Variants in ZNF638 observed in about 807,000 individuals in gnomAD.
ZNF638 encodes CTCL tumor antigen se33-1.
In ZNF638, 46 loss-of-function variants were observed where a neutral mutation model predicts 195.6. The observed-to-expected ratio is 0.24, with a 90% CI of 0.19 to 0.30. The LOEUF is 0.30. Among genes scored for constraint, ZNF638 ranks in the 10% least tolerant of loss-of-function variants. The pLI is 1.00. For synonymous variants in ZNF638, 845 were observed against 772.0 expected, an observed-to-expected ratio of 1.09 and a Z score of -1.57; for missense variants, 2,440 against 2,325.3, an observed-to-expected ratio of 1.05 and a Z score of -1.01.
At chr2:71,394,317 C>G (rs1175042495) in intron 10 of ZNF638, among the ~76,000 whole-genome samples, 1 of 152,168 alleles carries the variant, frequency 6.6e-6, no homozygotes, top group African/African-American at 2.4e-5. Flanking sequence ...TTAATGGCAT[C>G]TGGGACATCT....
At chr2:71,433,347 T>C in intron 27 of ZNF638, 64 bp downstream of exon 27, 2 of 1,194,180 alleles carry the variant, frequency 1.7e-6, no homozygotes, top group Non-Finnish European at 2.5e-6. Flanking sequence ...AAATTATTTA[T>C]CTCCCCAAAC....
intron 10 of ZNF638, among the ~76,000 whole-genome samples, chr2:71,387,168 C>T (rs950252301): frequency 2.0e-5 from 3 of 151,850 alleles, no homozygotes; most frequent in African/African-American, 7.3e-5. Context: ...ACAGACTATC[C>T]ACAATAAATA....
chr2:71,392,403 G>T (rs2079800056), intron 10 of ZNF638, among the ~76,000 whole-genome samples: 1 of 152,154 alleles, frequency 6.6e-6, no homozygotes, highest in East Asian at 1.9e-4. Context: ...TGAGGTTGGA[G>T]CCCTAGTACT....
Position 71,369,991 on chromosome 2 carries a change from A to G in ZNF638, c.2251A>G (p.Lys751Glu), listed in dbSNP as rs927666956. ...AAGTGTGAAAATATGTGTTCCAGGAAAGAAAAAAGCACAGGTAATCTGGAT... is the reference window on the plus strand; with the variant it reads ...AAGTGTGAAAATATGTGTTCCAGGAGAGAAAAAAGCACAGGTAATCTGGAT... Reference protein sequence around the residue: ...GKSVKICVPGKKKAQNKEVKK... With the variant: ...GKSVKICVPGEKKAQNKEVKK... The change falls in exon 8 of 28, where the codon AAG (lysine) becomes GAG (glutamate). Residue 751 changes from lysine (K) to glutamate (E), a missense_variant. Physicochemically the swap from Lys to Glu is moderately conservative, Grantham distance 56 (BLOSUM62 1). This residue lies in a region of ZNF638 where 1,883 missense variants were observed against 1,739.1 expected (regional missense o/e 1.08). Coordinates refer to ENST00000264447, the MANE Select transcript of ZNF638 (RefSeq NM_014497.5). The G allele has an allele frequency of 4.4e-6, 7 of 1,594,112 alleles. No homozygotes were observed. The highest frequency in any genetic ancestry group is 5.1e-6 in the Non-Finnish European group (6 of 1,174,706).
At chr2:71,376,394 T>C (rs1388497535) in intron 8 of ZNF638, 1 of 87,488 alleles carries the variant, frequency 1.1e-5, no homozygotes, top group African/African-American at 4.0e-5. Flanking sequence ...CAATTGTTTT[T>C]GTTGTTGTTT....
chr2:71,348,383 T>A, intron 1 of ZNF638: 1 of 965,592 alleles, frequency 1.0e-6, no homozygotes, highest in Non-Finnish European at 1.2e-6. Flanking sequence ...ATTAAATGTG[T>A]GCATTTATAA....
chr2:71,383,062 C>T (rs2079562118), intron 10 of ZNF638, among the ~76,000 whole-genome samples: 1 of 152,212 alleles, frequency 6.6e-6, no homozygotes, highest in Non-Finnish European at 1.5e-5. Flanking sequence ...ATGGCTTATG[C>T]CTACAATCCC....
chr2:71,343,760 T>A (rs1022189344), intron 1 of ZNF638, among the ~76,000 whole-genome samples: 3 of 152,152 alleles, frequency 2.0e-5, no homozygotes, highest in African/African-American at 7.2e-5. Context: ...TGAATTTGAA[T>A]TTTCTGCTTT....
chr2:71,394,346 C>G (rs979918899), intron 10 of ZNF638, among the ~76,000 whole-genome samples: 2 of 152,174 alleles, frequency 1.3e-5, no homozygotes, highest in African/African-American at 4.8e-5. Context: ...CCCTTAACAC[C>G]TGGCATGGGA....
intron 8 of ZNF638, among the ~76,000 whole-genome samples, chr2:71,376,776 G>A (rs898250451): frequency 6.6e-6 from 1 of 152,020 alleles, no homozygotes; most frequent in Non-Finnish European, 1.5e-5. Context: ...TCAGAAACTA[G>A]GTAACTTAGT....
intron 1 of ZNF638, 78 bp from the exon 2 acceptor site, chr2:71,348,675 G>A (rs954341808): frequency 7.4e-7 from 1 of 1,359,688 alleles, no homozygotes; most frequent in Non-Finnish European, 9.5e-7. Flanking sequence ...ATTTCAAAAT[G>A]TTTTACACTG....
chr2:71,393,066 A>T (rs926087738), intron 10 of ZNF638, among the ~76,000 whole-genome samples: 1 of 152,352 alleles, frequency 6.6e-6, no homozygotes, highest in African/African-American at 2.4e-5. Context: ...TTTGTCACAC[A>T]TGGAGCATCC....
intron 25 of ZNF638, among the ~76,000 whole-genome samples, chr2:71,430,744 G>C (rs1215588134): frequency 6.6e-6 from 1 of 152,194 alleles, no homozygotes; most frequent in African/African-American, 2.4e-5. Context: ...CAGCTACTGA[G>C]GGTAATCAGA....
chr2:71,357,193 T>G (rs982076947), intron 3 of ZNF638, among the ~76,000 whole-genome samples: 1 of 152,220 alleles, frequency 6.6e-6, no homozygotes, highest in African/African-American at 2.4e-5. Flanking sequence ...AGTCCTTGTT[T>G]TGACTCTTTT....
chr2:71,397,014 C>CA (rs1241728814), intron 11 of ZNF638, among the ~76,000 whole-genome samples: 1 of 152,060 alleles, frequency 6.6e-6, no homozygotes, highest in Non-Finnish European at 1.5e-5. Context: ...CTGGAACTGG[C>CA]AAAAATCATT....
intron 20 of ZNF638, chr2:71,418,354 T>C (rs1214382011): frequency 3.3e-6 from 1 of 303,312 alleles, no homozygotes. Flanking sequence ...GTTTCTTATT[T>C]ATATCATTAT....
intron 3 of ZNF638, among the ~76,000 whole-genome samples, chr2:71,358,899 C>T (rs892863555): frequency 6.6e-6 from 1 of 152,190 alleles, no homozygotes; most frequent in Non-Finnish European, 1.5e-5. Flanking sequence ...AATCTGTGAT[C>T]AGTGATCTTT....
At chr2:71,378,178 A>G (rs1244744210) in intron 8 of ZNF638, among the ~76,000 whole-genome samples, 1 of 152,154 alleles carries the variant, frequency 6.6e-6, no homozygotes, top group Admixed American at 6.5e-5. Flanking sequence ...TTCAAAAAAT[A>G]TCACTTAAAA....
In ZNF638 at chr2:71,422,807, C is replaced by CT. The variant is rs562416123; in HGVS notation, c.3300-3dup. The CT allele has an allele frequency of 1.5e-5, 24 of 1,602,342 alleles. No homozygotes were observed. The East Asian group carries it at 4.7e-4, about 31-fold the overall frequency. The stretch of plus-strand genomic sequence containing the variant: ...TGTTCTTTTTGTTTGTTTTTAAATA[C>CT]TTTTAGCCCTGGCTTGAAAAACAGT... On this transcript the variant is annotated splice_polypyrimidine_tract_variant and splice_region_variant and intron_variant, in intron 21 of 27. Coordinates refer to ENST00000264447, the MANE Select transcript of ZNF638 (RefSeq NM_014497.5).
Sources: gnomAD v4.1 joint callset for allele counts (sites outside exome capture counted in the v4.1 genomes callset) on GRCh38, gnomAD v4.1.1 for gene constraint, gnomAD v4.1.1 regional missense constraint, MANE v1.5 for transcripts, NCBI Gene and HGNC (gene_info 2026-07-23, HGNC 2026-07-21) for gene names.